Variants in SPTLC3 observed in about 807,000 individuals in gnomAD.
The protein encoded by SPTLC3 is serine palmitoyltransferase long chain base subunit 3.
In SPTLC3, 36 loss-of-function variants were observed where a neutral mutation model predicts 59.3. The observed-to-expected ratio is 0.61, with a 90% CI of 0.47 to 0.80. SPTLC3 has a LOEUF of 0.80. Ranked by LOEUF, SPTLC3 falls within the 30% of genes least tolerant of loss-of-function variation. The pLI is 0.00. For synonymous variants in SPTLC3, 257 were observed against 240.8 expected, an observed-to-expected ratio of 1.07 and a Z score of -0.62; for missense variants, 625 against 685.1, an observed-to-expected ratio of 0.91 and a Z score of 0.98.
chr20:13,142,025 A>C (rs369274712), intron 9 of SPTLC3, among the ~76,000 whole-genome samples: 5 of 152,346 alleles, frequency 3.3e-5, no homozygotes, highest in East Asian at 1.9e-4. Context: ...TCTAGTTAAG[A>C]GGGAAAGTTT....
chr20:13,153,042 C>T (rs1007978309), intron 9 of SPTLC3, among the ~76,000 whole-genome samples: 13 of 152,206 alleles, frequency 8.5e-5, no homozygotes, highest in African/African-American at 3.1e-4. Flanking sequence ...AGACGAAAGA[C>T]TGTAGTGGCA....
At chr20:13,126,421 GA>G (rs1158765944) in intron 8 of SPTLC3, among the ~76,000 whole-genome samples, 169 bp from the exon 9 acceptor site, 1 of 152,170 alleles carries the variant, frequency 6.6e-6, no homozygotes, top group Non-Finnish European at 1.5e-5. Flanking sequence ...GAAGGAAATA[GA>G]AAAAATAAAT....
chr20:13,117,988 C>T (rs1990660494), intron 8 of SPTLC3, among the ~76,000 whole-genome samples: 1 of 150,926 alleles, frequency 6.6e-6, no homozygotes, highest in Admixed American at 6.6e-5. Context: ...ATGCAAAGTA[C>T]CAGGCAGAGG....
intron 9 of SPTLC3, among the ~76,000 whole-genome samples, chr20:13,145,157 A>G (rs1205089892): frequency 6.6e-6 from 1 of 152,198 alleles, no homozygotes; most frequent in Non-Finnish European, 1.5e-5. Flanking sequence ...GAGGCAAGAG[A>G]AAGAAATAAA....
At chr20:13,097,878 T>C (rs1989475580) in intron 6 of SPTLC3, among the ~76,000 whole-genome samples, 1 of 152,022 alleles carries the variant, frequency 6.6e-6, no homozygotes, top group South Asian at 2.1e-4. Context: ...CTAGACTAGA[T>C]TCCAAAAGAG....
At chr20:13,042,530 G>C (rs1248496297) in intron 1 of SPTLC3, among the ~76,000 whole-genome samples, 1 of 152,096 alleles carries the variant, frequency 6.6e-6, no homozygotes. Context: ...CCCTACCAGT[G>C]GGTGTTCATT....
chr20:13,033,937 G>C (rs1457997701), intron 1 of SPTLC3, among the ~76,000 whole-genome samples: 1 of 152,084 alleles, frequency 6.6e-6, no homozygotes, highest in Non-Finnish European at 1.5e-5. Flanking sequence ...AGAGGTGAAA[G>C]GGGAGAACAG....
intron 9 of SPTLC3, among the ~76,000 whole-genome samples, chr20:13,135,420 G>A (rs574459022): frequency 2.0e-4 from 30 of 152,102 alleles, no homozygotes; most frequent in Non-Finnish European, 4.0e-4. Context: ...CAATTTTGAT[G>A]ACATGGTGTT....
intron 1 of SPTLC3, among the ~76,000 whole-genome samples, chr20:13,034,745 A>G (rs1005890608): frequency 5.9e-5 from 9 of 152,022 alleles, no homozygotes; most frequent in African/African-American, 2.2e-4. Flanking sequence ...ATAGTGTATC[A>G]TTTGCGTCAG....
chr20:13,010,812 C>T (rs148886008), intron 1 of SPTLC3, among the ~76,000 whole-genome samples: 8 of 152,312 alleles, frequency 5.3e-5, no homozygotes, highest in African/African-American at 1.2e-4. Flanking sequence ...TCCTTCTTAA[C>T]TTTTCTCCCT....
intron 1 of SPTLC3, among the ~76,000 whole-genome samples, chr20:13,031,060 C>G (rs1033159340): frequency 6.6e-6 from 1 of 152,136 alleles, no homozygotes; most frequent in African/African-American, 2.4e-5. Context: ...CTACTCAACT[C>G]TGCCACTGCA....
At position 13,110,151 on chromosome 20, in the gene SPTLC3, T is replaced by C. The variant is rs1422844472; in HGVS notation, c.866T>C (p.Ile289Thr). The change falls in exon 7 of 12, where the codon ATC becomes ACC. Residue 289 changes from isoleucine (I) to threonine (T), a missense_variant. Ile to Thr is a moderately conservative substitution (Grantham distance 89). Coordinates refer to ENST00000399002, the MANE Select transcript of SPTLC3 (RefSeq NM_018327.4). The part of the protein sequence containing the change: ...SLEKLLRDAV[I>T]YGQPRTRRAW... ...GAGAAGCTCCTGAGAGATGCTGTCATCTATGGCCAGCCTCGAACCCGCAGA... is the reference window on the plus strand; with the variant it reads ...GAGAAGCTCCTGAGAGATGCTGTCACCTATGGCCAGCCTCGAACCCGCAGA... The C allele has an allele frequency of 6.2e-7, 1 of 1,613,590 alleles. No individual in the cohort carries two copies. The highest frequency in any genetic ancestry group is 1.3e-5 in the African/African-American group (1 of 74,874).
chr20:13,067,681 T>C (rs528939806), intron 2 of SPTLC3, among the ~76,000 whole-genome samples: 1 of 152,332 alleles, frequency 6.6e-6, no homozygotes, highest in South Asian at 2.1e-4. Context: ...AAAATTTAAA[T>C]TTAGCCATCT....
At chr20:13,041,802 T>A (rs1025122088) in intron 1 of SPTLC3, among the ~76,000 whole-genome samples, 1 of 152,082 alleles carries the variant, frequency 6.6e-6, no homozygotes, top group African/African-American at 2.4e-5. Context: ...ATGAGCTATT[T>A]TCATAAAGTA....
intron 1 of SPTLC3, among the ~76,000 whole-genome samples, chr20:13,022,460 C>T (rs896500046): frequency 6.6e-6 from 1 of 152,144 alleles, no homozygotes. Flanking sequence ...AGAAAAGGAA[C>T]AGTGAGGACA....
intron 5 of SPTLC3, 32 bp from the exon 6 acceptor site, chr20:13,093,452 G>C (rs1265123635): frequency 6.3e-7 from 1 of 1,595,602 alleles, no homozygotes; most frequent in South Asian, 1.1e-5. Context: ...TTATTTATTG[G>C]CTTGTGTTTT....
At chr20:13,043,435 C>G (rs943078214) in intron 1 of SPTLC3, among the ~76,000 whole-genome samples, 10 of 152,176 alleles carry the variant, frequency 6.6e-5, no homozygotes, top group African/African-American at 2.4e-4. Flanking sequence ...AAACAAAAGT[C>G]TGTTTGTGAA....
At chr20:13,104,248 C>T (rs1304910796) in intron 6 of SPTLC3, among the ~76,000 whole-genome samples, 1 of 152,172 alleles carries the variant, frequency 6.6e-6, no homozygotes, top group Admixed American at 6.6e-5. Context: ...GCTGTGTCCC[C>T]ACCCAAATCT....
chr20:13,084,515 G>A (rs1431539623), intron 4 of SPTLC3, among the ~76,000 whole-genome samples: 4 of 152,106 alleles, frequency 2.6e-5, no homozygotes, highest in African/African-American at 9.7e-5. Flanking sequence ...GGTCTTGAGG[G>A]TAAACTAAAC....
Sources: gnomAD v4.1 joint callset for allele counts (sites outside exome capture counted in the v4.1 genomes callset) on GRCh38, gnomAD v4.1.1 for gene constraint, MANE v1.5 for transcripts, NCBI Gene and HGNC (gene_info 2026-07-23, HGNC 2026-07-21) for gene names.